The following NEGR1 variants were observed in gnomAD, a reference collection of about 807,000 sequenced individuals.
NEGR1 encodes IgLON family member 4.
In NEGR1, 10 loss-of-function variants were observed where a neutral mutation model predicts 40.9. The ratio of observed to expected loss-of-function variants is 0.24; its 90% confidence interval spans 0.15 to 0.42. The LOEUF (loss-of-function observed/expected upper bound fraction) is 0.42, where lower values mean the gene tolerates loss of function less well. Among genes scored for constraint, NEGR1 ranks in the 10% least tolerant of loss-of-function variants. The probability of loss-of-function intolerance (pLI) is 1.00; values close to 1 mark genes in which losing one functional copy is unlikely to be tolerated. For missense variants in NEGR1, 352 were observed against 438.9 expected (o/e 0.80, Z 1.77); for synonymous variants, 185 against 166.8 (o/e 1.11, Z -0.84).
At chr1:72,266,724 AACACACACACACACACACAC>A (rs3082237) in intron 1 of NEGR1, among the ~76,000 whole-genome samples, 1 of 133,726 alleles carries the variant, frequency 7.5e-6, no homozygotes, top group Admixed American at 7.6e-5. Context: ...TAGACAGATA[AACACACACACACACACACAC>A]ACACACACAC....
rs1226895837 is a variant in NEGR1, at chr1:71,407,134, G to A, written c.*312C>T. On this transcript the variant is annotated 3_prime_UTR_variant, in exon 7 of 7. Coordinates refer to ENST00000357731, the MANE Select transcript of NEGR1 (RefSeq NM_173808.3). ...GTAAACTACAGCCTGCAACCTAGCAGACCATGACTGAATGCTTTTGAAAAG... is the reference window on the plus strand; with the variant it reads ...GTAAACTACAGCCTGCAACCTAGCAAACCATGACTGAATGCTTTTGAAAAG... 1 of 195,372 alleles carries A rather than the reference G, an allele frequency of 5.1e-6. No individual in the cohort carries two copies. The highest frequency in any genetic ancestry group is 1.0e-5 in the Non-Finnish European group (1 of 95,676). The allele number at this position is 195,372 out of a possible 1,614,324, so 12.1% of individuals were successfully genotyped here. A position where few individuals can be genotyped will look rare whatever the true frequency, so the allele number is the denominator to read the frequency against.
At chr1:72,011,417 G>A (rs1309046246) in intron 1 of NEGR1, among the ~76,000 whole-genome samples, 1 of 152,044 alleles carries the variant, frequency 6.6e-6, no homozygotes, top group African/African-American at 2.4e-5. Flanking sequence ...AAATACTGAT[G>A]TACAGATCAA....
At chr1:71,449,614 G>C (rs2101325824) in intron 6 of NEGR1, among the ~76,000 whole-genome samples, 1 of 152,290 alleles carries the variant, frequency 6.6e-6, no homozygotes, top group South Asian at 2.1e-4. Context: ...ATTAAATTAT[G>C]TGCTAGTGTC....
At chr1:71,925,302 T>G (rs1018809197) in intron 2 of NEGR1, among the ~76,000 whole-genome samples, 6 of 152,212 alleles carry the variant, frequency 3.9e-5, no homozygotes, top group African/African-American at 1.4e-4. Context: ...CTTGTCCAAA[T>G]GCAAACCTGC....
intron 4 of NEGR1, among the ~76,000 whole-genome samples, chr1:71,667,750 A>G (rs953996412): frequency 2.0e-5 from 3 of 152,182 alleles, no homozygotes; most frequent in Non-Finnish European, 4.4e-5. Flanking sequence ...AAGCTTGACT[A>G]TCGGGTTCAA....
intron 3 of NEGR1, among the ~76,000 whole-genome samples, chr1:71,765,787 C>T (rs544888880): frequency 1.8e-4 from 27 of 152,266 alleles, no homozygotes; most frequent in African/African-American, 6.0e-4. Context: ...GATTCTATCC[C>T]TATGCCTTAG....
intron 6 of NEGR1, among the ~76,000 whole-genome samples, chr1:71,526,651 T>C (rs1422281334): frequency 6.6e-6 from 1 of 151,490 alleles, no homozygotes; most frequent in Non-Finnish European, 1.5e-5. Flanking sequence ...ATTAGTTCCA[T>C]TCTCTCCTTC....
intron 6 of NEGR1, among the ~76,000 whole-genome samples, chr1:71,418,265 G>A (rs1646369813): frequency 6.6e-6 from 1 of 151,372 alleles, no homozygotes; most frequent in African/African-American, 2.4e-5. Flanking sequence ...CAGAAAGAAA[G>A]AAAAATGGTA....
intron 1 of NEGR1, among the ~76,000 whole-genome samples, chr1:72,069,072 T>C (rs757156729): frequency 6.6e-6 from 1 of 152,088 alleles, no homozygotes; most frequent in Non-Finnish European, 1.5e-5. Flanking sequence ...AATATCAACC[T>C]AAAAGGATTT....
At chr1:72,016,563 T>G (rs1203226109) in intron 1 of NEGR1, among the ~76,000 whole-genome samples, 1 of 152,186 alleles carries the variant, frequency 6.6e-6, no homozygotes. Flanking sequence ...TAAACTTGCA[T>G]GATTAAGGTA....
chr1:71,623,005 A>G (rs765096028), intron 4 of NEGR1, among the ~76,000 whole-genome samples: 2 of 151,972 alleles, frequency 1.3e-5, no homozygotes, highest in Non-Finnish European at 2.9e-5. Context: ...ACATTTAAAA[A>G]GTTGATTAAA....
intron 3 of NEGR1, among the ~76,000 whole-genome samples, chr1:71,767,925 C>T (rs1043456998): frequency 4.6e-5 from 7 of 152,226 alleles, no homozygotes; most frequent in Non-Finnish European, 1.0e-4. Context: ...CAAGCCATAA[C>T]CTTTGGCAGC....
At chr1:72,181,544 T>C (rs1652372323) in intron 1 of NEGR1, among the ~76,000 whole-genome samples, 1 of 152,148 alleles carries the variant, frequency 6.6e-6, no homozygotes, top group African/African-American at 2.4e-5. Flanking sequence ...CACCATATGA[T>C]GCAGAAATCT....
At chr1:71,647,247 C>T (rs1168455984) in intron 4 of NEGR1, among the ~76,000 whole-genome samples, 3 of 151,722 alleles carry the variant, frequency 2.0e-5, no homozygotes, top group Non-Finnish European at 4.4e-5. Context: ...CCAACTGGGT[C>T]CCCAAATACA....
At chr1:72,252,465 A>G (rs141125532) in intron 1 of NEGR1, among the ~76,000 whole-genome samples, 50 of 152,352 alleles carry the variant, frequency 3.3e-4, no homozygotes, top group African/African-American at 1.0e-3. Flanking sequence ...ATTTCAAACT[A>G]TAGCATATCA....
intron 2 of NEGR1, among the ~76,000 whole-genome samples, chr1:71,839,364 C>T (rs904863624): frequency 6.6e-6 from 1 of 151,632 alleles, no homozygotes; most frequent in African/African-American, 2.4e-5. Context: ...CCACCACATC[C>T]AGCTAATTGT....
rs111837716 is a variant in NEGR1, at chr1:71,423,234, A to G, written c.941-15664T>C. ...GAAAAATCCCATCTCTACAAAAAAT[A>G]AAAAAAATTAAAAAGTGATATGTGT... On this transcript the variant is annotated intron_variant, in intron 6 of 6. Coordinates refer to ENST00000357731, the MANE Select transcript of NEGR1 (RefSeq NM_173808.3). 5.1e-3 allele frequency among the ~76,000 whole-genome samples: 769 copies of G among 152,112 alleles called. 7 individuals are homozygous for G. Among genetic ancestry groups the G allele is most frequent in the African/African-American group, 0.018 (746 of 41,492 alleles).
chr1:71,810,380 A>G (rs1657957247), intron 2 of NEGR1, among the ~76,000 whole-genome samples: 1 of 152,248 alleles, frequency 6.6e-6, no homozygotes, highest in South Asian at 2.1e-4. Flanking sequence ...TATTCATTTG[A>G]GCCACTAACC....
intron 6 of NEGR1, among the ~76,000 whole-genome samples, chr1:71,580,944 G>T (rs1465499320): frequency 6.6e-6 from 1 of 152,068 alleles, no homozygotes; most frequent in Non-Finnish European, 1.5e-5. Context: ...GAAAGTTTTA[G>T]AAATTCTGCG....
Sources: allele counts gnomAD v4.1 joint callset (sites outside exome capture counted in the v4.1 genomes callset), GRCh38; gene constraint gnomAD v4.1.1; transcripts MANE v1.5; gene names NCBI Gene and HGNC (gene_info 2026-07-23, HGNC 2026-07-21).